The following SPOCK1 variants were observed in gnomAD, a reference collection of about 807,000 sequenced individuals.
The protein encoded by SPOCK1 is testican-1.
Under a neutral mutation model 55.3 loss-of-function variants are expected in SPOCK1, and 23 were observed. That is an observed-to-expected ratio of 0.42 (90% CI 0.30 to 0.59). SPOCK1 has a LOEUF of 0.59. Among genes scored for constraint, SPOCK1 ranks in the 20% least tolerant of loss-of-function variants. The pLI is 0.22. For synonymous variants in SPOCK1, 226 were observed against 221.0 expected (o/e 1.02, Z -0.20); for missense variants, 499 against 552.5 (o/e 0.90, Z 0.97).
At chr5:137,274,939 T>C (rs554031235) in intron 2 of SPOCK1, among the ~76,000 whole-genome samples, 1 of 152,216 alleles carries the variant, frequency 6.6e-6, no homozygotes, top group South Asian at 2.1e-4. Context: ...GTGCATTGAG[T>C]GTGGCATTTT....
At chr5:137,118,530 A>T (rs971159926) in intron 4 of SPOCK1, among the ~76,000 whole-genome samples, 1 of 152,234 alleles carries the variant, frequency 6.6e-6, no homozygotes, top group Admixed American at 6.5e-5. Context: ...CCTTGAAGAC[A>T]TCAATGTGAC....
At chr5:137,306,306 A>G (rs559847926) in intron 2 of SPOCK1, among the ~76,000 whole-genome samples, 1 of 152,328 alleles carries the variant, frequency 6.6e-6, no homozygotes, top group East Asian at 1.9e-4. Context: ...CTGCCTGTTT[A>G]AAATGGAAGT....
chr5:137,409,486 C>T (rs1436725026), intron 2 of SPOCK1, among the ~76,000 whole-genome samples: 1 of 152,180 alleles, frequency 6.6e-6, no homozygotes, highest in African/African-American at 2.4e-5. Context: ...ACAGCCTGGG[C>T]TCATATCTCA....
At chr5:137,053,182 C>T (rs902431503) in intron 6 of SPOCK1, among the ~76,000 whole-genome samples, 1 of 152,166 alleles carries the variant, frequency 6.6e-6, no homozygotes, top group African/African-American at 2.4e-5. Flanking sequence ...CTCTGAGCCA[C>T]ACTGTGATGT....
At chr5:137,289,831 A>T (rs1476134079) in intron 2 of SPOCK1, among the ~76,000 whole-genome samples, 1 of 152,206 alleles carries the variant, frequency 6.6e-6, no homozygotes, top group African/African-American at 2.4e-5. Context: ...AGAAAAAGAC[A>T]GATAATCCAA....
chr5:137,195,769 A>G (rs1459185676), intron 3 of SPOCK1, among the ~76,000 whole-genome samples: 1 of 152,268 alleles, frequency 6.6e-6, no homozygotes, highest in Non-Finnish European at 1.5e-5. Context: ...AAAGATAGGT[A>G]TGAGTACATG....
At chr5:137,135,851 A>T (rs1753973815) in intron 4 of SPOCK1, among the ~76,000 whole-genome samples, 1 of 152,210 alleles carries the variant, frequency 6.6e-6, no homozygotes, top group Admixed American at 6.5e-5. Context: ...ATAGTAATCC[A>T]TTATGAGATA....
chr5:137,186,383 T>G (rs1755070030), intron 3 of SPOCK1, among the ~76,000 whole-genome samples: 1 of 152,170 alleles, frequency 6.6e-6, no homozygotes, highest in African/African-American at 2.4e-5. Context: ...GACAGTGACA[T>G]AAGGGCTAGG....
chr5:137,192,103 C>T (rs766773363), intron 3 of SPOCK1, among the ~76,000 whole-genome samples: 18 of 151,198 alleles, frequency 1.2e-4, no homozygotes, highest in African/African-American at 2.9e-4. Context: ...CTGGGCGTGG[C>T]GGCGTGCACC....
chr5:137,229,589 A>G (rs1756009794), intron 3 of SPOCK1, among the ~76,000 whole-genome samples: 1 of 152,208 alleles, frequency 6.6e-6, no homozygotes, highest in Non-Finnish European at 1.5e-5. Flanking sequence ...ACAGATGTCC[A>G]TAACAGGGGG....
chr5:137,482,006 C>T (rs1753961046), intron 2 of SPOCK1, among the ~76,000 whole-genome samples: 1 of 151,956 alleles, frequency 6.6e-6, no homozygotes, highest in Non-Finnish European at 1.5e-5. Flanking sequence ...CATACTCCTA[C>T]CCATGCCTAA....
chr5:137,220,947 T>C (rs1180810666), intron 3 of SPOCK1, among the ~76,000 whole-genome samples: 1 of 152,198 alleles, frequency 6.6e-6, no homozygotes, highest in Non-Finnish European at 1.5e-5. Flanking sequence ...TTTCAAAGCA[T>C]CTTTGCAATT....
At chr5:137,055,168 T>C (rs1312414406) in intron 6 of SPOCK1, among the ~76,000 whole-genome samples, 1 of 152,206 alleles carries the variant, frequency 6.6e-6, no homozygotes, top group Non-Finnish European at 1.5e-5. Context: ...GTGAGCTCCA[T>C]ATGCAGACCC....
At chr5:137,062,435 A>AG (rs1456856476) in intron 6 of SPOCK1, among the ~76,000 whole-genome samples, 4 of 151,930 alleles carry the variant, frequency 2.6e-5, no homozygotes, top group Non-Finnish European at 1.5e-5. Context: ...CAGGTTCAGA[A>AG]GGGGTGGAGT....
chr5:137,089,733 GA>G (rs1753021760), intron 5 of SPOCK1, among the ~76,000 whole-genome samples: 1 of 151,946 alleles, frequency 6.6e-6, no homozygotes, highest in Non-Finnish European at 1.5e-5. Context: ...TGATGAAACA[GA>G]AACGCCAAAT....
chr5:137,278,715 T>C (rs1342070549), intron 2 of SPOCK1, among the ~76,000 whole-genome samples: 2 of 152,184 alleles, frequency 1.3e-5, no homozygotes, highest in Non-Finnish European at 2.9e-5. Context: ...AGATGCCTGA[T>C]AGAAACAAAT....
rs556748384 is a variant in SPOCK1, at chr5:137,405,181, A to G, written c.186+93192T>C. On this transcript the variant is annotated intron_variant, in intron 2 of 10. Transcript: ENST00000394945. Reference sequence around the variant, plus strand: ...AGAGATCAGAAGTTATTCTGAACTAAAAGAAGCTAATGTCTAAATTCATCA... The same window carrying G: ...AGAGATCAGAAGTTATTCTGAACTAGAAGAAGCTAATGTCTAAATTCATCA... Among the ~76,000 whole-genome samples, 5 of 152,368 alleles carry G rather than the reference A, an allele frequency of 3.3e-5. No homozygotes were observed. The East Asian group carries it at 9.6e-4, about 29-fold the overall frequency.
intron 3 of SPOCK1, among the ~76,000 whole-genome samples, chr5:137,233,819 C>T (rs908209779): frequency 7.7e-6 from 1 of 129,470 alleles, no homozygotes; most frequent in Non-Finnish European, 1.6e-5. Flanking sequence ...AAAAAAATTT[C>T]TTGGGATTTA....
chr5:137,093,176 T>C (rs1422969319), intron 5 of SPOCK1, among the ~76,000 whole-genome samples: 1 of 152,190 alleles, frequency 6.6e-6, no homozygotes, highest in Non-Finnish European at 1.5e-5. Flanking sequence ...AGAGGGGACA[T>C]TCAAATCATA....
Sources: allele counts gnomAD v4.1 joint callset (sites outside exome capture counted in the v4.1 genomes callset), GRCh38; gene constraint gnomAD v4.1.1; transcripts MANE v1.5; gene names NCBI Gene and HGNC (gene_info 2026-07-23, HGNC 2026-07-21).